Variants in NKAIN2 observed in about 807,000 individuals in gnomAD.
The protein encoded by NKAIN2 is sodium/potassium-transporting ATPase subunit beta-1-interacting protein 2.
A neutral mutation model predicts 32.6 loss-of-function variants in NKAIN2; 14 were observed. That is an observed-to-expected ratio of 0.43 (90% CI 0.28 to 0.67). NKAIN2 has a LOEUF of 0.67. Among genes scored for constraint, NKAIN2 ranks in the 30% least tolerant of loss-of-function variants. The pLI, the probability that NKAIN2 is intolerant of heterozygous loss-of-function variation, is 0.17. For missense variants in NKAIN2, 198 were observed against 258.3 expected, an observed-to-expected ratio of 0.77 and a Z score of 1.60; for synonymous variants, 80 against 87.2, an observed-to-expected ratio of 0.92 and a Z score of 0.46.
rs1350593091 is a variant in NKAIN2, at chr6:124,177,977, G to T, written c.55-105028G>T. 1.7e-4 allele frequency among the ~76,000 whole-genome samples: 2 copies of T among 11,876 alleles called. 1 individual carries two copies. The highest frequency in any genetic ancestry group is 4.6e-4 in the African/African-American group (2 of 4,376). 7.8% of individuals were successfully genotyped at this position (11,876 alleles called of 152,430 possible). On this transcript the variant is annotated intron_variant, in intron 1 of 6. Transcript: ENST00000368417. Reference sequence around the variant, plus strand: ...TTTTTGTATTTTTAGTAGAGACGGGGTTTCACCGTTTTAGCCGGGATGGTC... The same window carrying T: ...TTTTTGTATTTTTAGTAGAGACGGGTTTTCACCGTTTTAGCCGGGATGGTC...
intron 1 of NKAIN2, among the ~76,000 whole-genome samples, chr6:123,971,579 C>T (rs953672923): frequency 3.3e-5 from 5 of 151,990 alleles, no homozygotes; most frequent in Admixed American, 6.6e-5. Flanking sequence ...ATATCTTGAG[C>T]GGATATTCCT....
intron 3 of NKAIN2, among the ~76,000 whole-genome samples, chr6:124,461,364 AG>A (rs1340798645): frequency 1.3e-5 from 2 of 151,782 alleles, no homozygotes; most frequent in African/African-American, 2.4e-5. Flanking sequence ...AATTAATTGA[AG>A]AGATGTAGAT....
At chr6:123,895,069 T>A (rs1774206217) in intron 1 of NKAIN2, among the ~76,000 whole-genome samples, 1 of 151,888 alleles carries the variant, frequency 6.6e-6, no homozygotes, top group Non-Finnish European at 1.5e-5. Flanking sequence ...ACCCCTTTTT[T>A]TTTTGCCCTT....
chr6:124,256,825 C>A (rs1309096276), intron 1 of NKAIN2, among the ~76,000 whole-genome samples: 1 of 149,844 alleles, frequency 6.7e-6, no homozygotes, highest in Non-Finnish European at 1.5e-5. Flanking sequence ...ATCTTCAAAC[C>A]ATTTTCTTCT....
At chr6:124,207,523 C>A (rs929100108) in intron 1 of NKAIN2, among the ~76,000 whole-genome samples, 1 of 149,672 alleles carries the variant, frequency 6.7e-6, no homozygotes, top group South Asian at 2.1e-4. Flanking sequence ...TATAGCATTT[C>A]TTTAATTCTG....
intron 4 of NKAIN2, among the ~76,000 whole-genome samples, chr6:124,724,041 CTT>C (rs1443731757): frequency 6.6e-6 from 1 of 152,146 alleles, no homozygotes; most frequent in East Asian, 1.9e-4. Context: ...GAATAAAACT[CTT>C]TGTGATAAAG....
intron 1 of NKAIN2, among the ~76,000 whole-genome samples, chr6:124,229,615 A>G (rs1792339398): frequency 6.6e-6 from 1 of 152,092 alleles, no homozygotes; most frequent in African/African-American, 2.4e-5. Flanking sequence ...TACTTCCTTA[A>G]TTCCCATATG....
intron 3 of NKAIN2, among the ~76,000 whole-genome samples, chr6:124,456,605 C>G (rs996617872): frequency 2.6e-5 from 4 of 151,764 alleles, no homozygotes; most frequent in African/African-American, 9.7e-5. Context: ...CTGGCCATTT[C>G]TCTCCTTAAA....
At chr6:123,817,320 A>G (rs1773734743) in intron 1 of NKAIN2, among the ~76,000 whole-genome samples, 1 of 152,118 alleles carries the variant, frequency 6.6e-6, no homozygotes, top group Non-Finnish European at 1.5e-5. Context: ...TGGCCTTTAT[A>G]CACTAGTTGG....
chr6:124,657,535 A>G (rs999147693), intron 3 of NKAIN2, among the ~76,000 whole-genome samples: 3 of 152,148 alleles, frequency 2.0e-5, no homozygotes, highest in African/African-American at 4.8e-5. Flanking sequence ...CCCTACAAGA[A>G]TTTGATAATA....
chr6:124,230,424 C>T (rs1019140574), intron 1 of NKAIN2, among the ~76,000 whole-genome samples: 1 of 152,170 alleles, frequency 6.6e-6, no homozygotes, highest in Non-Finnish European at 1.5e-5. Flanking sequence ...TTCAAGCCAG[C>T]TGCAGAAATT....
chr6:124,342,974 CT>C (rs1197282679), intron 2 of NKAIN2, among the ~76,000 whole-genome samples: 2 of 131,396 alleles, frequency 1.5e-5, no homozygotes, highest in Non-Finnish European at 3.2e-5. Flanking sequence ...AATGCTATCC[CT>C]TCCCCCTCCC....
Position 123,994,734 on chromosome 6 carries a change from T to C in NKAIN2, c.54+190480T>C, listed in dbSNP as rs1779547508. ...TTTAATTCATTAAAGTTTGATTTAC[T>C]GTTAAACGTATTAAATGTGATATCC... On this transcript the variant is annotated intron_variant, in intron 1 of 6. Transcript: ENST00000368417. 2.6e-5 allele frequency among the ~76,000 whole-genome samples: 4 copies of C among 152,340 alleles called. No homozygotes were observed. In the South Asian group the frequency reaches 8.3e-4, roughly 32 times the overall value.
At chr6:124,537,291 A>T (rs572761219) in intron 3 of NKAIN2, among the ~76,000 whole-genome samples, 1 of 152,340 alleles carries the variant, frequency 6.6e-6, no homozygotes, top group South Asian at 2.1e-4. Flanking sequence ...TGGAGAGTTA[A>T]TCTGATGACC....
intron 4 of NKAIN2, among the ~76,000 whole-genome samples, chr6:124,712,058 T>G (rs1465603087): frequency 2.6e-5 from 4 of 151,762 alleles, no homozygotes; most frequent in Non-Finnish European, 5.9e-5. Flanking sequence ...CAGCTGCAGG[T>G]CTGTTGGAAT....
At chr6:124,316,685 T>C (rs1051631236) in intron 2 of NKAIN2, among the ~76,000 whole-genome samples, 1 of 152,148 alleles carries the variant, frequency 6.6e-6, no homozygotes, top group Non-Finnish European at 1.5e-5. Context: ...TACTTCTTAA[T>C]GCAATTGTGA....
intron 4 of NKAIN2, among the ~76,000 whole-genome samples, chr6:124,688,451 G>A (rs1204344369): frequency 6.6e-6 from 1 of 152,000 alleles, no homozygotes; most frequent in African/African-American, 2.4e-5. Flanking sequence ...TGATACATTT[G>A]TTACAATTGA....
chr6:123,812,641 G>A (rs1362002259), intron 1 of NKAIN2, among the ~76,000 whole-genome samples: 7 of 152,164 alleles, frequency 4.6e-5, no homozygotes, highest in African/African-American at 1.4e-4. Context: ...AAGCACTTTC[G>A]TTTTAAGGCA....
At chr6:124,252,194 A>G (rs563582695) in intron 1 of NKAIN2, among the ~76,000 whole-genome samples, 19 of 152,246 alleles carry the variant, frequency 1.2e-4, no homozygotes, top group Non-Finnish European at 2.4e-4. Flanking sequence ...ATCCATTAAC[A>G]GTAGAATGGA....
Sources: allele counts gnomAD v4.1 joint callset (sites outside exome capture counted in the v4.1 genomes callset), GRCh38; gene constraint gnomAD v4.1.1; transcripts MANE v1.5; gene names NCBI Gene and HGNC (gene_info 2026-07-23, HGNC 2026-07-21).